The following DAB1 variants were observed in gnomAD, a reference collection of about 807,000 sequenced individuals.
DAB1 encodes disabled homolog 1.
Under a neutral mutation model 64.6 loss-of-function variants are expected in DAB1, and 15 were observed. The ratio of observed to expected loss-of-function variants is 0.23; its 90% CI spans 0.16 to 0.36. The LOEUF is 0.36. Among genes scored for constraint, DAB1 ranks in the 10% least tolerant of loss-of-function variants. The pLI is 1.00. For missense variants in DAB1, 596 were observed against 706.7 expected (o/e 0.84, Z 1.78); for synonymous variants, 235 against 251.9 (o/e 0.93, Z 0.64).
intron 7 of DAB1, among the ~76,000 whole-genome samples, chr1:57,604,211 G>A (rs898409067): frequency 2.0e-5 from 3 of 152,214 alleles, no homozygotes; most frequent in African/African-American, 7.2e-5. Flanking sequence ...GCTGGTTCAA[G>A]TCTAGGCTCC....
chr1:57,418,701 G>A (rs1343322134), intron 1 of DAB1, among the ~76,000 whole-genome samples: 2 of 152,030 alleles, frequency 1.3e-5, no homozygotes, highest in African/African-American at 2.4e-5. Flanking sequence ...TTCTGTTTAT[G>A]AGACTCCCCC....
At chr1:57,601,210 C>A (rs1434688170) in intron 7 of DAB1, among the ~76,000 whole-genome samples, 1 of 152,184 alleles carries the variant, frequency 6.6e-6, no homozygotes, top group African/African-American at 2.4e-5. Context: ...ACTCCACAGA[C>A]TGCCTTTCCA....
upstream of DAB1, among the ~76,000 whole-genome samples, chr1:57,887,333 G>T (rs977080187): frequency 7.3e-5 from 11 of 150,374 alleles, no homozygotes; most frequent in African/African-American, 2.7e-4. Flanking sequence ...CTAATACTTA[G>T]CACACTACTG....
At chr1:57,769,791 C>T (rs1455627436) in intron 6 of DAB1, among the ~76,000 whole-genome samples, 12 of 152,136 alleles carry the variant, frequency 7.9e-5, no homozygotes, top group East Asian at 5.8e-4. Flanking sequence ...TGTTTTAGAA[C>T]GGCCTTTTGC....
intron 2 of DAB1, among the ~76,000 whole-genome samples, chr1:57,232,602 A>G (rs1158331900): frequency 6.6e-6 from 1 of 152,054 alleles, no homozygotes; most frequent in African/African-American, 2.4e-5. Flanking sequence ...TTAGGGAGAA[A>G]ACCGAGACCC....
intron 6 of DAB1, among the ~76,000 whole-genome samples, chr1:57,749,399 G>C (rs1433551374): frequency 6.6e-6 from 1 of 152,176 alleles, no homozygotes; most frequent in African/African-American, 2.4e-5. Flanking sequence ...AATGTGAAAA[G>C]GAATTGAATT....
At chr1:57,139,225 T>C (rs760928901) in intron 3 of DAB1, among the ~76,000 whole-genome samples, 5 of 152,112 alleles carry the variant, frequency 3.3e-5, no homozygotes, top group African/African-American at 4.8e-5. Context: ...AGAACACTCA[T>C]AGAGGGGATT....
chr1:58,021,796 G>T (rs557861890), intron 5 of DAB1, among the ~76,000 whole-genome samples: 3 of 152,304 alleles, frequency 2.0e-5, no homozygotes, highest in Non-Finnish European at 2.9e-5. Context: ...GAAGCAGTGG[G>T]TCTGAAAGGG....
At chr1:58,472,105 C>A (rs1465754459) in intron 3 of DAB1, among the ~76,000 whole-genome samples, 1 of 152,108 alleles carries the variant, frequency 6.6e-6, no homozygotes, top group Non-Finnish European at 1.5e-5. Flanking sequence ...AACCAGGGTC[C>A]CTCTGATCAT....
chr1:57,729,054 T>A (rs996444029), intron 6 of DAB1, among the ~76,000 whole-genome samples: 12 of 152,356 alleles, frequency 7.9e-5, no homozygotes, highest in Non-Finnish European at 1.0e-4. Context: ...ATTAATGAAG[T>A]ACCTAATGTA....
At chr1:58,243,358 A>G (rs1660383782) in intron 4 of DAB1, among the ~76,000 whole-genome samples, 2 of 152,194 alleles carry the variant, frequency 1.3e-5, no homozygotes, top group South Asian at 4.1e-4. Context: ...TTATTTATTA[A>G]AAGCCTATGA....
intron 5 of DAB1, among the ~76,000 whole-genome samples, chr1:58,104,739 A>G (rs1488097835): frequency 6.6e-6 from 1 of 152,248 alleles, no homozygotes; most frequent in African/African-American, 2.4e-5. Flanking sequence ...GCACATTAAA[A>G]TAAAGAAAAT....
intron 3 of DAB1, among the ~76,000 whole-genome samples, chr1:58,490,517 T>G (rs1321085759): frequency 6.6e-6 from 1 of 152,196 alleles, no homozygotes; most frequent in African/African-American, 2.4e-5. Flanking sequence ...GAAAACACTC[T>G]GCAGGATATT....
intron 4 of DAB1, among the ~76,000 whole-genome samples, chr1:58,199,458 C>CA (rs1405006350): frequency 6.6e-6 from 1 of 152,108 alleles, no homozygotes; most frequent in Non-Finnish European, 1.5e-5. Context: ...TAACCATGGG[C>CA]AAATTACTTA....
chr1:57,602,593 C>T (rs1035063555), intron 7 of DAB1, among the ~76,000 whole-genome samples: 2 of 152,262 alleles, frequency 1.3e-5, no homozygotes, highest in East Asian at 3.9e-4. Context: ...AATGGAAACA[C>T]GAACTTACTG....
intron 1 of DAB1, among the ~76,000 whole-genome samples, chr1:57,409,416 T>C (rs184814713): frequency 1.3e-5 from 2 of 152,342 alleles, no homozygotes; most frequent in African/African-American, 2.4e-5. Flanking sequence ...CATGGTAGTG[T>C]GGCTGTTATG....
At position 57,438,929 on chromosome 1, in the gene DAB1, A is replaced by G. The variant is rs570909270; in HGVS notation, n.626-147763T>C. On this transcript the variant is annotated intron_variant and non_coding_transcript_variant, in intron 7 of 20. Transcript: ENST00000485760. ...ATTTCCTCCTTCCTGAAAAATCTCA[A>G]TTCCCATTTGGGGAAGTATGTGATT... Among the ~76,000 whole-genome samples the G allele has an allele frequency of 2.0e-5, 3 of 152,052 alleles. No individual in the cohort carries two copies. The South Asian group carries it at 6.2e-4, about 32-fold the overall frequency.
chr1:57,240,616 T>C (rs925207630), intron 2 of DAB1, among the ~76,000 whole-genome samples: 4 of 152,202 alleles, frequency 2.6e-5, no homozygotes, highest in Non-Finnish European at 5.9e-5. Context: ...CTTCTGATTG[T>C]ATGCCCAATA....
intron 4 of DAB1, among the ~76,000 whole-genome samples, chr1:58,323,512 C>T (rs1662743079): frequency 6.6e-6 from 1 of 152,068 alleles, no homozygotes; most frequent in Non-Finnish European, 1.5e-5. Context: ...CCTTAAGAGG[C>T]ATCATAACAC....
Sources: allele counts gnomAD v4.1 joint callset (sites outside exome capture counted in the v4.1 genomes callset), GRCh38; gene constraint gnomAD v4.1.1; transcripts MANE v1.5; gene names NCBI Gene and HGNC (gene_info 2026-07-23, HGNC 2026-07-21).